Variants in ASTN2 observed in about 807,000 individuals in gnomAD.
The protein encoded by ASTN2 is astrotactin-2.
In ASTN2, 54 loss-of-function variants were observed where a neutral mutation model predicts 139.8. The observed-to-expected ratio is 0.39, with a 90% CI of 0.31 to 0.48. ASTN2 has a LOEUF of 0.48. ASTN2 is among the 20% of genes least tolerant of loss of function. ASTN2 has a pLI of 0.95. For synonymous variants in ASTN2, 756 were observed against 719.5 expected (o/e 1.05, Z -0.81); for missense variants, 1,565 against 1,725.1 (o/e 0.91, Z 1.64).
chr9:116,713,806 A>G (rs907841781), intron 16 of ASTN2, among the ~76,000 whole-genome samples: 3 of 152,188 alleles, frequency 2.0e-5, no homozygotes, highest in African/African-American at 7.2e-5. Context: ...AGGAAGTTGT[A>G]GGGATTAAAT....
At chr9:117,222,912 G>C (rs1430209309) in intron 2 of ASTN2, among the ~76,000 whole-genome samples, 1 of 151,980 alleles carries the variant, frequency 6.6e-6, no homozygotes, top group Non-Finnish European at 1.5e-5. Context: ...AAGAGAAACT[G>C]CTTAAAACCA....
At chr9:116,669,809 A>AT (rs34822441) in intron 16 of ASTN2, among the ~76,000 whole-genome samples, 10,660 of 144,134 alleles carry the variant, frequency 0.074, 449 homozygotes, top group Non-Finnish European at 0.1. Context: ...TATGTATTGT[A>AT]TTTTTTTTTT....
chr9:117,290,708 G>C (rs1489077780), intron 2 of ASTN2, among the ~76,000 whole-genome samples: 1 of 152,204 alleles, frequency 6.6e-6, no homozygotes, highest in Non-Finnish European at 1.5e-5. Context: ...GATATGCTTG[G>C]ATTTGAACAC....
At chr9:117,375,606 A>G (rs1263214563) in intron 1 of ASTN2, among the ~76,000 whole-genome samples, 5 of 152,230 alleles carry the variant, frequency 3.3e-5, no homozygotes. Flanking sequence ...AAGAAGGAAA[A>G]AGTGAAACAC....
At chr9:117,274,548 T>TCATTC (rs1376339338) in intron 2 of ASTN2, among the ~76,000 whole-genome samples, 9 of 152,254 alleles carry the variant, frequency 5.9e-5, no homozygotes, top group South Asian at 2.1e-4. Context: ...TTATCTCATT[T>TCATTC]CATTCCACAC....
intron 16 of ASTN2, among the ~76,000 whole-genome samples, chr9:116,688,879 G>GA (rs34641332): frequency 0.17 from 24,627 of 146,846 alleles, 2,422 homozygotes; most frequent in Non-Finnish European, 0.23. Flanking sequence ...ACAACCACCA[G>GA]AAAAAAAAAA....
rs192487747 is a variant in ASTN2, at chr9:116,668,583, A to G, written c.2807-16790T>C. ...TTCTTTTTATTGCTCAATATAGTAC[A>G]TTGTCTGGATGTACCACAAGCTATT... On this transcript the variant is annotated intron_variant, in intron 16 of 22. Transcript: ENST00000313400. Among the ~76,000 whole-genome samples, 45 of 152,350 alleles carry G rather than the reference A, an allele frequency of 3.0e-4. No homozygotes were observed. The East Asian group carries it at 7.3e-3, about 25-fold the overall frequency.
chr9:116,591,100 G>A (rs1854360926), intron 19 of ASTN2, among the ~76,000 whole-genome samples: 1 of 152,176 alleles, frequency 6.6e-6, no homozygotes, highest in Admixed American at 6.5e-5. Flanking sequence ...AGGGTTGAAA[G>A]ACACCCCTTG....
At position 116,755,719 on chromosome 9, in the gene ASTN2, TG is replaced by T. The variant is rs1354862614; in HGVS notation, c.2397-22197del. On this transcript the variant is annotated intron_variant, in intron 13 of 22. Coordinates refer to ENST00000313400, the MANE Select transcript of ASTN2 (RefSeq NM_001365068.1). ...CACTCTACTAGTCTAACTTTCCATC[TG>T]CATTAAATCAAAGGTTTAAAAATGG... Among the ~76,000 whole-genome samples the T allele has an allele frequency of 3.0e-4, 45 of 152,372 alleles. No homozygotes were observed. In the East Asian group the frequency reaches 7.9e-3, roughly 27 times the overall value.
rs1039823901 is a variant in ASTN2, at chr9:116,889,721, A to G, written c.1890-25988T>C. ...GGCAACATAGCAAGACCTTGTCTCT[A>G]CACACACACACACACACACACACAC... On this transcript the variant is annotated intron_variant, in intron 10 of 22. Coordinates refer to ENST00000313400, the MANE Select transcript of ASTN2 (RefSeq NM_001365068.1). 5.7e-4 allele frequency among the ~76,000 whole-genome samples: 3 copies of G among 5,268 alleles called. No homozygotes were observed. In the African/African-American group the frequency reaches 9.1e-3, roughly 16 times the overall value. 3.5% of individuals were successfully genotyped at this position (5,268 alleles called of 152,430 possible). A position where few individuals can be genotyped will look rare whatever the true frequency, so the allele number is the denominator to read the frequency against.
chr9:116,821,389 G>A (rs756234099), intron 11 of ASTN2, among the ~76,000 whole-genome samples: 10 of 152,070 alleles, frequency 6.6e-5, no homozygotes, highest in Non-Finnish European at 1.5e-4. Context: ...TCGGAATTTG[G>A]CACATAATTT....
intron 1 of ASTN2, among the ~76,000 whole-genome samples, chr9:117,366,134 T>C (rs1008593075): frequency 4.6e-5 from 7 of 152,198 alleles, no homozygotes; most frequent in Non-Finnish European, 5.9e-5. Flanking sequence ...GCACTCACTG[T>C]GTGTTTATTG....
At chr9:116,555,793 G>C (rs943184991) in intron 19 of ASTN2, among the ~76,000 whole-genome samples, 2 of 152,148 alleles carry the variant, frequency 1.3e-5, no homozygotes, top group Non-Finnish European at 2.9e-5. Context: ...TGAGTGACAA[G>C]AGCTGCTGGC....
intron 16 of ASTN2, among the ~76,000 whole-genome samples, chr9:116,676,452 T>G (rs537095554): frequency 1.3e-3 from 201 of 152,322 alleles, no homozygotes; most frequent in Non-Finnish European, 2.3e-3. Context: ...CAAGGCAGTT[T>G]GGCAGGCTGG....
intron 20 of ASTN2, among the ~76,000 whole-genome samples, chr9:116,447,398 C>T (rs777016759): frequency 6.6e-6 from 1 of 152,114 alleles, no homozygotes; most frequent in Non-Finnish European, 1.5e-5. Context: ...GAATATGGTT[C>T]TGCTCAACTC....
At chr9:117,073,875 G>C (rs982640570) in intron 5 of ASTN2, among the ~76,000 whole-genome samples, 3 of 152,108 alleles carry the variant, frequency 2.0e-5, no homozygotes, top group Admixed American at 1.3e-4. Flanking sequence ...ATGGAACAAA[G>C]CCTGCCCTAG....
At chr9:117,150,522 G>A (rs7042612) in intron 3 of ASTN2, among the ~76,000 whole-genome samples, 143,113 of 152,224 alleles carry the variant, frequency 0.94, 67,924 homozygotes, top group East Asian at 1. Context: ...TGCAGGAAGC[G>A]AAGGCTTTGA....
intron 16 of ASTN2, chr9:116,701,236 T>C (rs1054628069): frequency 1.2e-5 from 2 of 167,112 alleles, no homozygotes; most frequent in African/African-American, 4.8e-5. Flanking sequence ...TAGTGTTTCT[T>C]TGGATTGTAT....
At chr9:117,309,981 C>G (rs969227499) in intron 1 of ASTN2, among the ~76,000 whole-genome samples, 1 of 152,104 alleles carries the variant, frequency 6.6e-6, no homozygotes, top group Non-Finnish European at 1.5e-5. Flanking sequence ...TGTAGCTGGT[C>G]CTGTCTTTGA....
Sources: allele counts gnomAD v4.1 joint callset (sites outside exome capture counted in the v4.1 genomes callset), GRCh38; gene constraint gnomAD v4.1.1; transcripts MANE v1.5; gene names NCBI Gene and HGNC (gene_info 2026-07-23, HGNC 2026-07-21).